Variants in ZNF875 observed in about 807,000 individuals in gnomAD.
The protein encoded by ZNF875 is HKR1, GLI-Kruppel zinc finger family member.
A neutral mutation model predicts 11.2 loss-of-function variants in ZNF875; 14 were observed. The observed-to-expected ratio is 1.26, with a 90% CI of 0.83 to 1.96. ZNF875 has a LOEUF of 1.96. Ranked by LOEUF, ZNF875 falls within the 30% of genes most tolerant of loss-of-function variation. The pLI, the probability that ZNF875 is intolerant of heterozygous loss-of-function variation, is 0.00. For missense variants in ZNF875, 752 were observed against 760.4 expected, an observed-to-expected ratio of 0.99 and a Z score of 0.13; for synonymous variants, 301 against 281.1, an observed-to-expected ratio of 1.07 and a Z score of -0.71.
chr19:37,362,765 TCA>T lies in ZNF875; in HGVS notation c.914_915del (p.Ser305TrpfsTer43). ...CCTGATCACACATCAGAGGACACACTCAGGGGAGAAACCTTATGTGTGCAAGG... is the reference window on the plus strand; with the variant it reads ...CCTGATCACACATCAGAGGACACACTGGGGAGAAACCTTATGTGTGCAAGG... ...SNLITHQRTH[S>X]GEKPYVCKDC... On this transcript the variant is annotated frameshift_variant, in exon 5 of 5. Transcript: ENST00000392153. LOFTEE classifies it low-confidence loss of function (END_TRUNC). The T allele has an allele frequency of 6.2e-7, 1 of 1,613,598 alleles. No homozygotes were observed. Among genetic ancestry groups the T allele is most frequent in the African/African-American group, 1.3e-5 (1 of 74,910 alleles).
intron 2 of ZNF875, among the ~76,000 whole-genome samples, chr19:37,342,047 CA>C (rs1488000633): frequency 1.3e-5 from 2 of 152,216 alleles, no homozygotes; most frequent in Non-Finnish European, 2.9e-5. Flanking sequence ...GCTGAAATCA[CA>C]GTCAGACAGG....
At chr19:37,320,207 A>T (rs1479159714) in intron 1 of ZNF875, among the ~76,000 whole-genome samples, 1 of 152,206 alleles carries the variant, frequency 6.6e-6, no homozygotes, top group Admixed American at 6.5e-5. Flanking sequence ...CAGTTCCATC[A>T]GCCAAGTTTA....
At chr19:37,321,577 C>T (rs2031463849) in intron 1 of ZNF875, among the ~76,000 whole-genome samples, 1 of 152,156 alleles carries the variant, frequency 6.6e-6, no homozygotes, top group African/African-American at 2.4e-5. Context: ...CCTGGGCCCA[C>T]TTTTCTTTCT....
At chr19:37,358,297 C>A (rs924916662) in intron 4 of ZNF875, among the ~76,000 whole-genome samples, 9 of 151,260 alleles carry the variant, frequency 6.0e-5, no homozygotes, top group African/African-American at 2.2e-4. Flanking sequence ...AGGCGCCCAC[C>A]ACCAAGCCTG....
intron 2 of ZNF875, chr19:37,344,715 C>T (rs1038927833): frequency 1.2e-6 from 2 of 1,613,816 alleles, no homozygotes; most frequent in Non-Finnish European, 1.7e-6. Flanking sequence ...GTCTACAATG[C>T]TCCCTACATG....
At chr19:37,349,997 G>C (rs1260123202) in intron 4 of ZNF875, among the ~76,000 whole-genome samples, 1 of 118,096 alleles carries the variant, frequency 8.5e-6, no homozygotes, top group Non-Finnish European at 1.7e-5. Context: ...ACAGAGTCTC[G>C]CTTTGTTGCC....
At chr19:37,333,055 C>CT (rs2145859714), upstream of ZNF875, among the ~76,000 whole-genome samples, 1 of 152,246 alleles carries the variant, frequency 6.6e-6, no homozygotes, top group East Asian at 1.9e-4. Context: ...CATTCTGCCC[C>CT]TTTCACTGTT....
upstream of ZNF875, chr19:37,315,672 T>G (rs1338492811): frequency 6.6e-6 from 1 of 152,156 alleles, no homozygotes; most frequent in South Asian, 2.1e-4. Context: ...AGAAGAAAGT[T>G]TATTTCTGCA....
intron 2 of ZNF875, among the ~76,000 whole-genome samples, chr19:37,341,506 G>A (rs2035715555): frequency 6.6e-6 from 1 of 152,136 alleles, no homozygotes; most frequent in Admixed American, 6.5e-5. Context: ...AGAGAGGACA[G>A]CCCCAATTAA....
intron 2 of ZNF875, 80 bp downstream of exon 2, chr19:37,335,337 T>G: frequency 1.6e-6 from 1 of 640,368 alleles, no homozygotes; most frequent in Non-Finnish European, 2.9e-6. Context: ...GGCTGCCTTG[T>G]TGGTATTGGG....
chr19:37,316,528 C>A (rs2030202803), upstream of ZNF875, among the ~76,000 whole-genome samples: 1 of 151,712 alleles, frequency 6.6e-6, no homozygotes, highest in Non-Finnish European at 1.5e-5. Context: ...TGCCACCACG[C>A]CCGGCTAATT....
rs146774743 is a variant in ZNF875, at chr19:37,319,344, C to CATATATATATAT, written c.-747+1172_-747+1183dup. 5.4e-3 allele frequency among the ~76,000 whole-genome samples: 610 copies of CATATATATATAT among 112,274 alleles called. 11 individuals carry two copies. Among genetic ancestry groups the CATATATATATAT allele is most frequent in the African/African-American group, 0.015 (345 of 23,768 alleles). 73.7% of individuals were successfully genotyped at this position (112,274 alleles called of 152,430 possible). A position where few individuals can be genotyped will look rare whatever the true frequency, so the allele number is the denominator to read the frequency against. On this transcript the variant is annotated intron_variant, in intron 1 of 5. Transcript: ENST00000544914. ...TACAGGTGTGCTCCACTGCAGCCGG[C>CATATATATATAT]ATATATATATATATATATATATATA... is the stretch of plus-strand genomic sequence containing the variant.
chr19:37,361,990 A>T (rs1568660831), intron 4 of ZNF875, 119 bp from the exon 5 acceptor site: 2 of 664,264 alleles, frequency 3.0e-6, no homozygotes. Flanking sequence ...AAGGATGTCT[A>T]ACTGGGAGAT....
chr19:37,331,231 C>CTTT (rs142005460), upstream of ZNF875, among the ~76,000 whole-genome samples: 3 of 63,828 alleles, frequency 4.7e-5, no homozygotes, highest in African/African-American at 1.4e-4. Flanking sequence ...TAACTCCTTG[C>CTTT]TTTTTTTTTT....
chr19:37,326,056 C>T (rs1055075816), intron 4 of ZNF875, among the ~76,000 whole-genome samples: 6 of 151,978 alleles, frequency 3.9e-5, no homozygotes, highest in African/African-American at 9.7e-5. Context: ...TTGCCCAGAC[C>T]GGTCTCAAAT....
At chr19:37,347,395 G>C in intron 3 of ZNF875, 79 bp downstream of exon 3, 1 of 1,353,616 alleles carries the variant, frequency 7.4e-7, no homozygotes. Flanking sequence ...GCTACCTGCA[G>C]AGCACCTTTC....
intron 1 of ZNF875, among the ~76,000 whole-genome samples, chr19:37,320,709 T>C (rs2031242632): frequency 6.6e-6 from 1 of 152,156 alleles, no homozygotes; most frequent in African/African-American, 2.4e-5. Context: ...TGGCTTGGGA[T>C]GTTGGAAGAG....
intron 2 of ZNF875, among the ~76,000 whole-genome samples, chr19:37,341,410 G>A (rs2035694063): frequency 6.6e-6 from 1 of 152,184 alleles, no homozygotes; most frequent in Non-Finnish European, 1.5e-5. Flanking sequence ...CAGGAAGCTG[G>A]TTGGCTGGGG....
At chr19:37,361,934 A>G (rs578225238) in intron 4 of ZNF875, 175 bp from the exon 5 acceptor site, 2 of 516,192 alleles carry the variant, frequency 3.9e-6, no homozygotes, top group African/African-American at 2.8e-5. Context: ...ACAAAAAAAC[A>G]AAAGAAAGTG....
Sources: gnomAD v4.1 joint callset for allele counts (sites outside exome capture counted in the v4.1 genomes callset) on GRCh38, gnomAD v4.1.1 for gene constraint, MANE v1.5 for transcripts, NCBI Gene and HGNC (gene_info 2026-07-23, HGNC 2026-07-21) for gene names.